Variants in ZNF627 observed in about 807,000 individuals in gnomAD.
ZNF627 encodes the protein zinc finger protein 627.
A neutral mutation model predicts 10.6 loss-of-function variants in ZNF627; 12 were observed. The ratio of observed to expected loss-of-function variants is 1.13; its 90% CI spans 0.73 to 1.84. The LOEUF is 1.84. Ranked by LOEUF, ZNF627 falls within the 40% of genes most tolerant of loss-of-function variation. The pLI is 0.00. For synonymous variants in ZNF627, 176 were observed against 187.1 expected, an observed-to-expected ratio of 0.94 and a Z score of 0.48; for missense variants, 504 against 568.4, an observed-to-expected ratio of 0.89 and a Z score of 1.15.
chr19:11,602,005 CAAAAA>C (rs67176670), intron 1 of ZNF627, among the ~76,000 whole-genome samples: 24 of 53,786 alleles, frequency 4.5e-4, no homozygotes, highest in African/African-American at 1.3e-3. Flanking sequence ...GACTCTGTCT[CAAAAA>C]AAAAAAAAAA....
In ZNF627 at chr19:11,617,892, A is replaced by G. The variant is rs768980884; in HGVS notation, c.*3A>G. 2.0e-6 allele frequency: 3 copies of G among 1,525,240 alleles called. No individual in the cohort carries two copies. The highest frequency in any genetic ancestry group is 4.5e-5 in the East Asian group (2 of 44,388). The allele number at this position is 1,525,240 out of a possible 1,614,324, so 94.5% of individuals were successfully genotyped here. ...CAGTTGTCCCAGTTCTTTCATGAGC[A>G]TGAAAGGAGTCACATAGAGAAACCC... On this transcript the variant is annotated 3_prime_UTR_variant, in exon 4 of 4. Transcript: ENST00000361113.
At chr19:11,604,709 C>T (rs1216300687) in intron 1 of ZNF627, among the ~76,000 whole-genome samples, 3 of 152,164 alleles carry the variant, frequency 2.0e-5, no homozygotes, top group African/African-American at 7.2e-5. Flanking sequence ...AGAGATTGCA[C>T]TGGAAACTTG....
chr19:11,608,434 C>G (rs1280950629), intron 1 of ZNF627, among the ~76,000 whole-genome samples: 4 of 152,066 alleles, frequency 2.6e-5, no homozygotes, highest in Middle Eastern at 3.2e-3. Flanking sequence ...TTTGAAGCAG[C>G]TGTAATATTT....
At position 11,617,374 on chromosome 19, in the gene ZNF627, G is replaced by A. The variant is rs762313859; in HGVS notation, c.871G>A (p.Ala291Thr). The A allele has an allele frequency of 3.2e-5, 52 of 1,613,536 alleles. No individual in the cohort carries two copies. Among genetic ancestry groups the A allele is most frequent in the Middle Eastern group, 1.6e-4 (1 of 6,080 alleles). The change falls in exon 4 of 4, where the codon GCC (alanine) becomes ACC (threonine). Residue 291 changes from alanine to threonine, a missense_variant. By Grantham distance (58) the Ala-to-Thr change is moderately conservative. Coordinates refer to ENST00000361113, the MANE Select transcript of ZNF627 (RefSeq NM_145295.4). ...CKQCGKAFRC[A>T]SSVRSHERTH... ...ACAGTGCGGTAAAGCCTTTAGGTGC[G>A]CCAGTTCTGTTCGAAGTCACGAGAG...
At chr19:11,609,627 C>T (rs1487168437) in intron 1 of ZNF627, among the ~76,000 whole-genome samples, 2 of 149,826 alleles carry the variant, frequency 1.3e-5, no homozygotes, top group African/African-American at 4.9e-5. Context: ...AAGCAATTCT[C>T]CTGCCTCAGC....
chr19:11,608,184 C>G (rs1334353700), intron 1 of ZNF627, among the ~76,000 whole-genome samples: 1 of 152,184 alleles, frequency 6.6e-6, no homozygotes, highest in African/African-American at 2.4e-5. Context: ...AACTCACTAT[C>G]ATGAGAACAG....
intron 1 of ZNF627, among the ~76,000 whole-genome samples, chr19:11,612,245 C>T (rs555511679): frequency 3.3e-5 from 5 of 151,030 alleles, no homozygotes; most frequent in African/African-American, 7.3e-5. Context: ...CTCAGCCTCC[C>T]GAGTAGCTGG....
chr19:11,617,203 TGTTCCA>T lies in ZNF627; in HGVS notation c.704_709del (p.Ser235_Ser236del), dbSNP rs761302340. ...CAAGCAATGTGGGAAAGCCTTCAGT[TGTTCCA>T]GTTACATTAGAATACATGAAAGGAC... On this transcript the variant is annotated inframe_deletion, in exon 4 of 4. Coordinates refer to ENST00000361113, the MANE Select transcript of ZNF627 (RefSeq NM_145295.4). 53 of 1,612,882 alleles carry T rather than the reference TGTTCCA, an allele frequency of 3.3e-5. No individual in the cohort carries two copies. Among genetic ancestry groups the T allele is most frequent in the Non-Finnish European group, 4.4e-5 (52 of 1,179,622 alleles).
intron 1 of ZNF627, among the ~76,000 whole-genome samples, chr19:11,602,902 C>CA (rs1973611909): frequency 6.6e-6 from 1 of 152,194 alleles, no homozygotes; most frequent in South Asian, 2.1e-4. Flanking sequence ...CCTGTGGACT[C>CA]ACTACCCAGG....
At chr19:11,598,844 C>T (rs991676200) in intron 1 of ZNF627, among the ~76,000 whole-genome samples, 3 of 152,094 alleles carry the variant, frequency 2.0e-5, no homozygotes, top group Admixed American at 6.6e-5. Context: ...ACCTTTGTGC[C>T]TCTTCTCCTT....
At position 11,617,058 on chromosome 19, in the gene ZNF627, C is replaced by T. The variant is rs1051262790; in HGVS notation, c.555C>T (p.His185=). 1 of 1,614,080 alleles carries T rather than the reference C, an allele frequency of 6.2e-7. No individual in the cohort carries two copies. Among genetic ancestry groups the T allele is most frequent in the Admixed American group, 1.7e-5 (1 of 60,020 alleles). Residue 185 remains histidine, a synonymous_variant, in exon 4 of 4, where the codon CAC becomes CAT. Coordinates refer to ENST00000361113, the MANE Select transcript of ZNF627 (RefSeq NM_145295.4). ...TTTCTCTTGTAAGCATTCGAAGACACATGTTAACGCATAGGGGAGGTGTAC... is the reference window on the plus strand; with the variant it reads ...TTTCTCTTGTAAGCATTCGAAGACATATGTTAACGCATAGGGGAGGTGTAC... ...TFISLVSIRR[H]MLTHRGGVPY...
intron 1 of ZNF627, among the ~76,000 whole-genome samples, chr19:11,610,324 C>T (rs1254895920): frequency 2.0e-5 from 3 of 152,052 alleles, no homozygotes; most frequent in African/African-American, 4.8e-5. Context: ...CTTTTCTTCC[C>T]AGGCTTTAGA....
chr19:11,597,883 G>A (rs990130003), intron 1 of ZNF627, among the ~76,000 whole-genome samples: 2 of 152,236 alleles, frequency 1.3e-5, no homozygotes, highest in Non-Finnish European at 1.5e-5. Context: ...GGTCATGGGG[G>A]TATCCCTCCT....
intron 3 of ZNF627, among the ~76,000 whole-genome samples, chr19:11,615,243 G>A (rs1224323190): frequency 6.7e-6 from 1 of 149,944 alleles, no homozygotes; most frequent in Non-Finnish European, 1.5e-5. Context: ...ACCATGCCCA[G>A]CAGGAATTTT....
chr19:11,604,873 T>G (rs935202590), intron 1 of ZNF627, among the ~76,000 whole-genome samples: 3 of 152,010 alleles, frequency 2.0e-5, no homozygotes, highest in African/African-American at 7.3e-5. Context: ...GGAACTTGGT[T>G]GGGTCTCATA....
chr19:11,610,482 G>C (rs1322763484), intron 1 of ZNF627, among the ~76,000 whole-genome samples: 4 of 152,060 alleles, frequency 2.6e-5, no homozygotes, highest in Non-Finnish European at 5.9e-5. Flanking sequence ...TGCACCTGCA[G>C]TCCCAGTTAC....
intron 1 of ZNF627, among the ~76,000 whole-genome samples, chr19:11,612,882 G>A (rs2145136098): frequency 6.6e-6 from 1 of 151,684 alleles, no homozygotes; most frequent in Admixed American, 6.6e-5. Flanking sequence ...AGTGAGCATA[G>A]TATCTGATAG....
chr19:11,602,840 A>G (rs1973611016), intron 1 of ZNF627, among the ~76,000 whole-genome samples: 1 of 152,166 alleles, frequency 6.6e-6, no homozygotes, highest in Non-Finnish European at 1.5e-5. Flanking sequence ...GAGACCCTGG[A>G]GGAGGGAGCA....
chr19:11,617,300 T>C lies in ZNF627; in HGVS notation c.797T>C (p.Ile266Thr). 6.2e-7 allele frequency: 1 copy of C among 1,613,950 alleles called. No individual in the cohort carries two copies. The highest frequency in any genetic ancestry group is 8.5e-7 in the Non-Finnish European group (1 of 1,179,988). The part of the protein sequence containing the change: ...CGKAFSCSKY[I>T]RIHERTHTGE... ...AAAGCTTTCAGTTGTTCCAAGTACATTCGAATCCATGAACGAACTCACACA... is the reference window on the plus strand; with the variant it reads ...AAAGCTTTCAGTTGTTCCAAGTACACTCGAATCCATGAACGAACTCACACA... The change falls in exon 4 of 4, where the codon ATT becomes ACT. Residue 266 changes from isoleucine to threonine, a missense_variant. By Grantham distance (89) the Ile-to-Thr change is moderately conservative (BLOSUM62 -1). Coordinates refer to ENST00000361113, the MANE Select transcript of ZNF627 (RefSeq NM_145295.4).
Sources: gnomAD v4.1 joint callset for allele counts (sites outside exome capture counted in the v4.1 genomes callset) on GRCh38, gnomAD v4.1.1 for gene constraint, MANE v1.5 for transcripts, NCBI Gene and HGNC (gene_info 2026-07-23, HGNC 2026-07-21) for gene names.